The following PTPRD variants were observed in gnomAD, a reference collection of about 807,000 sequenced individuals.
PTPRD encodes protein tyrosine phosphatase receptor type D, also known as receptor-type tyrosine-protein phosphatase delta.
In PTPRD, 34 loss-of-function variants were observed where a neutral mutation model predicts 214.5. The ratio of observed to expected loss-of-function variants is 0.16; its 90% CI spans 0.12 to 0.21. The LOEUF is 0.21. PTPRD is among the 10% of genes least tolerant of loss of function. PTPRD has a pLI of 1.00. For missense variants in PTPRD, 2,545 were observed against 2,398.7 expected (o/e 1.06, Z -1.27); for synonymous variants, 1,128 against 845.7 (o/e 1.33, Z -5.79).
chr9:9,863,102 T>C (rs2063153722), intron 5 of PTPRD, among the ~76,000 whole-genome samples: 1 of 152,162 alleles, frequency 6.6e-6, no homozygotes, highest in Admixed American at 6.5e-5. Flanking sequence ...TATTTGAGTC[T>C]AGAAAATGCT....
At chr9:10,033,440 G>C (rs1252671120) in intron 4 of PTPRD, among the ~76,000 whole-genome samples, 1 of 151,652 alleles carries the variant, frequency 6.6e-6, no homozygotes, top group Non-Finnish European at 1.5e-5. Context: ...TTAGCTAAAA[G>C]TAATACTAGC....
At chr9:10,272,477 G>C (rs912799103) in intron 3 of PTPRD, among the ~76,000 whole-genome samples, 4 of 152,142 alleles carry the variant, frequency 2.6e-5, no homozygotes, top group Non-Finnish European at 4.4e-5. Context: ...GGCATGGATT[G>C]CTTTGTTTTT....
intron 12 of PTPRD, among the ~76,000 whole-genome samples, chr9:8,733,253 G>C (rs1274533513): frequency 6.6e-6 from 1 of 152,022 alleles, no homozygotes; most frequent in Non-Finnish European, 1.5e-5. Flanking sequence ...CCACAAAGTT[G>C]TCAGTTCTGC....
chr9:10,083,495 T>C (rs2098276691), intron 3 of PTPRD, among the ~76,000 whole-genome samples: 1 of 152,098 alleles, frequency 6.6e-6, no homozygotes, highest in Non-Finnish European at 1.5e-5. Context: ...GTTAGTGAGC[T>C]AATTTTTATC....
intron 10 of PTPRD, among the ~76,000 whole-genome samples, chr9:9,064,005 T>A (rs779389522): frequency 6.6e-6 from 1 of 152,196 alleles, no homozygotes; most frequent in Non-Finnish European, 1.5e-5. Flanking sequence ...GGTTTTAATA[T>A]ATACTCAAGT....
chr9:10,187,810 G>T (rs907357553), intron 3 of PTPRD, among the ~76,000 whole-genome samples: 2 of 152,140 alleles, frequency 1.3e-5, no homozygotes, highest in African/African-American at 4.8e-5. Flanking sequence ...CACTAGAATT[G>T]TGGCAAAGGT....
chr9:8,339,364 A>G (rs1218915198), intron 42 of PTPRD, among the ~76,000 whole-genome samples: 5 of 152,230 alleles, frequency 3.3e-5, no homozygotes, highest in East Asian at 3.9e-4. Flanking sequence ...AAGTTATCCA[A>G]ATAATTACAT....
At chr9:8,626,208 C>T (rs1012008902) in intron 14 of PTPRD, among the ~76,000 whole-genome samples, 1 of 151,844 alleles carries the variant, frequency 6.6e-6, no homozygotes, top group African/African-American at 2.4e-5. Context: ...TGAAAGCCAA[C>T]CAACTACCTA....
intron 10 of PTPRD, among the ~76,000 whole-genome samples, chr9:9,037,377 C>CAATA (rs2099625301): frequency 6.6e-6 from 1 of 152,056 alleles, no homozygotes; most frequent in Admixed American, 6.6e-5. Flanking sequence ...GATATAGAGA[C>CAATA]AATAGTTTGT....
chr9:10,497,677 A>G (rs1456469331), intron 2 of PTPRD, among the ~76,000 whole-genome samples: 1 of 152,038 alleles, frequency 6.6e-6, no homozygotes, highest in Non-Finnish European at 1.5e-5. Flanking sequence ...TTTTAAGCAA[A>G]TTTATTGTTG....
chr9:9,550,248 T>G (rs1174335251), intron 8 of PTPRD, among the ~76,000 whole-genome samples: 8 of 151,490 alleles, frequency 5.3e-5, no homozygotes, highest in Non-Finnish European at 1.2e-4. Flanking sequence ...AACTCTTACC[T>G]GAATCTCCAT....
chr9:9,787,171 A>T (rs1735960075), intron 5 of PTPRD, among the ~76,000 whole-genome samples: 1 of 152,042 alleles, frequency 6.6e-6, no homozygotes, highest in South Asian at 2.1e-4. Context: ...AAAATGTTTA[A>T]AAATCAATTT....
intron 2 of PTPRD, among the ~76,000 whole-genome samples, chr9:10,367,009 G>C (rs550721125): frequency 6.6e-6 from 1 of 150,516 alleles, no homozygotes; most frequent in Admixed American, 6.7e-5. Context: ...AATTCACCTA[G>C]ACTTATAACT....
At position 9,622,517 on chromosome 9, in the gene PTPRD, C is replaced by T. The variant is rs560964846; in HGVS notation, c.-286-47736G>A. Among the ~76,000 whole-genome samples, 3 of 152,118 alleles carry T rather than the reference C, an allele frequency of 2.0e-5. No homozygotes were observed. The South Asian group carries it at 6.2e-4, about 32-fold the overall frequency. On this transcript the variant is annotated intron_variant, in intron 7 of 45. Coordinates refer to ENST00000381196, the MANE Select transcript of PTPRD (RefSeq NM_002839.4). ...AAAAAAGATTTACTAAAATGTTTGT[C>T]CACAAAATCTCATACTAACTTATCA...
At chr9:9,867,241 T>C (rs2064204334) in intron 5 of PTPRD, among the ~76,000 whole-genome samples, 1 of 152,170 alleles carries the variant, frequency 6.6e-6, no homozygotes. Flanking sequence ...GATCACATAG[T>C]TGGCTTACTC....
intron 9 of PTPRD, among the ~76,000 whole-genome samples, chr9:9,251,630 T>G (rs1298065790): frequency 6.6e-6 from 1 of 152,114 alleles, no homozygotes; most frequent in African/African-American, 2.4e-5. Context: ...TTGCTATTAT[T>G]ATTTTTTGTA....
chr9:9,383,120 T>C (rs1474089402), intron 9 of PTPRD, among the ~76,000 whole-genome samples: 1 of 152,084 alleles, frequency 6.6e-6, no homozygotes, highest in African/African-American at 2.4e-5. Context: ...TCAAAATAAC[T>C]TTTTATGAAA....
chr9:9,774,707 C>G (rs1190791755), intron 5 of PTPRD, among the ~76,000 whole-genome samples: 3 of 152,096 alleles, frequency 2.0e-5, no homozygotes, highest in Non-Finnish European at 2.9e-5. Flanking sequence ...CATATAGAAG[C>G]CTTGAGGGAG....
At chr9:8,659,742 T>C in intron 12 of PTPRD, among the ~76,000 whole-genome samples, 1 of 152,194 alleles carries the variant, frequency 6.6e-6, no homozygotes, top group Non-Finnish European at 1.5e-5. Flanking sequence ...CAGGGATCTG[T>C]TTGAGAATAA....
Sources: allele counts gnomAD v4.1 joint callset (sites outside exome capture counted in the v4.1 genomes callset), GRCh38; gene constraint gnomAD v4.1.1; transcripts MANE v1.5; gene names NCBI Gene and HGNC (gene_info 2026-07-23, HGNC 2026-07-21).